The following NPR2 variants were observed in gnomAD, a reference collection of about 807,000 sequenced individuals.
NPR2 encodes the protein atrial natriuretic peptide receptor 2.
A neutral mutation model predicts 120.7 loss-of-function variants in NPR2; 49 were observed. The observed-to-expected ratio is 0.41, with a 90% CI of 0.32 to 0.52. NPR2 has a LOEUF of 0.52. NPR2 is among the 20% of genes least tolerant of loss of function. The probability of loss-of-function intolerance (pLI) is 0.36; values close to 1 mark genes in which losing one functional copy is unlikely to be tolerated. For synonymous variants in NPR2, 484 were observed against 519.8 expected, an observed-to-expected ratio of 0.93 and a Z score of 0.94; for missense variants, 931 against 1,362.9, an observed-to-expected ratio of 0.68 and a Z score of 4.99.
chr9:35,794,209 A>G, intron 2 of NPR2, 106 bp downstream of exon 2: 1 of 1,035,856 alleles, frequency 9.7e-7, no homozygotes, highest in Non-Finnish European at 1.4e-6. Flanking sequence ...AGGAATTGTG[A>G]GCCACAGGAG....
chr9:35,803,356 G>A (rs1450953622), intron 12 of NPR2, among the ~76,000 whole-genome samples: 1 of 82,110 alleles, frequency 1.2e-5, no homozygotes, highest in Non-Finnish European at 2.3e-5. Context: ...CGCCCGCCTC[G>A]GCCTCCCAAA....
chr9:35,800,335 T>C lies in NPR2; in HGVS notation c.1124-54T>C. 1 of 1,527,032 alleles carries C rather than the reference T, an allele frequency of 6.5e-7. No homozygotes were observed. Among genetic ancestry groups the C allele is most frequent in the African/African-American group, 1.4e-5 (1 of 72,942 alleles). 94.6% of individuals were successfully genotyped at this position (1,527,032 alleles called of 1,614,324 possible). ...TGAGGGAGCCGTAGGCATGAGTGAG[T>C]GGGAGAGGAGCCCAGGGTAGACCTC... On this transcript the variant is annotated intron_variant, in intron 4 of 21. Transcript: ENST00000342694. This position sits in a 1 kb window ranked among gnomAD's most constrained non-coding sequence, Gnocchi z 4.7.
chr9:35,802,639 G>T lies in NPR2; in HGVS notation c.1815+32G>T. On this transcript the variant is annotated intron_variant, in intron 11 of 21. Coordinates refer to ENST00000342694, the MANE Select transcript of NPR2 (RefSeq NM_003995.4). This position sits in a 1 kb window ranked among gnomAD's most constrained non-coding sequence, Gnocchi z 4.2. ...GATAGGTGTAGGAGATTATGGCAGG[G>T]GTGGGAAGGATAGACCCAAAGTTAT... 4 of 1,491,580 alleles carry T rather than the reference G, an allele frequency of 2.7e-6. No individual in the cohort carries two copies. Among genetic ancestry groups the T allele is most frequent in the Non-Finnish European group, 3.7e-6 (4 of 1,068,440 alleles). 92.4% of individuals were successfully genotyped at this position (1,491,580 alleles called of 1,614,324 possible). A position where few individuals can be genotyped will look rare whatever the true frequency, so the allele number is the denominator to read the frequency against.
intron 18 of NPR2, 74 bp downstream of exon 18, chr9:35,807,472 C>G: frequency 8.5e-7 from 1 of 1,180,352 alleles, no homozygotes; most frequent in East Asian, 2.3e-5. Flanking sequence ...CTCCCTGAAC[C>G]CCACACACCT....
At position 35,799,624 on chromosome 9, in the gene NPR2, T is replaced by C. The variant is rs1303946040; in HGVS notation, c.880T>C (p.Leu294=). 2 of 1,610,986 alleles carry C rather than the reference T, an allele frequency of 1.2e-6. No individual in the cohort carries two copies. The highest frequency in any genetic ancestry group is 2.2e-5 in the East Asian group (1 of 44,864). ...CCATATGCTGCTGGTACAGACTGTA[T>C]TGGTGATCACGTACCGAGAACCCCC... ...QALREAFQTV[L]VITYREPPNP... is the part of the protein sequence containing the mutation. The change falls in exon 3 of 22, where the codon TTG becomes CTG. Residue 294 remains leucine, a synonymous_variant. Coordinates refer to ENST00000342694, the MANE Select transcript of NPR2 (RefSeq NM_003995.4).
Position 35,792,799 on chromosome 9 carries a change from G to A in NPR2, c.391G>A (p.Ala131Thr). The change falls in exon 1 of 22, where the codon GCT (alanine) becomes ACT (threonine). Residue 131 changes from alanine to threonine, a missense_variant. Transcript: ENST00000342694. ...GGGTGCTGTGGCCTCTGGTTTTTCG[G>A]CTAAGAATGACCATTATCGTACCCT... is the stretch of plus-strand genomic sequence containing the variant. ...TAGAVASGFS[A>T]KNDHYRTLVR... 1 of 1,614,176 alleles carries A rather than the reference G, an allele frequency of 6.2e-7. No individual in the cohort carries two copies. The highest frequency in any genetic ancestry group is 1.1e-5 in the South Asian group (1 of 91,088).
chr9:35,809,446 A>ACC lies in NPR2; in HGVS notation c.*5_*6dup. On this transcript the variant is annotated 3_prime_UTR_variant, in exon 22 of 22. Coordinates refer to ENST00000342694, the MANE Select transcript of NPR2 (RefSeq NM_003995.4). This position sits in a 1 kb window ranked among gnomAD's most constrained non-coding sequence, Gnocchi z 4.1. ...GAAAGGACCTCCTGGACTCCTGTAA[A>ACC]CCCCCATTCTTTCCAAGTCAGATAG... The ACC allele has an allele frequency of 6.2e-7, 1 of 1,614,054 alleles. No homozygotes were observed. Among genetic ancestry groups the ACC allele is most frequent in the Non-Finnish European group, 8.5e-7 (1 of 1,180,000 alleles).
chr9:35,802,666 C>T lies in NPR2; in HGVS notation c.1815+59C>T. On this transcript the variant is annotated intron_variant, in intron 11 of 21. Transcript: ENST00000342694. The surrounding 1 kb of genome is among the most constrained non-coding windows in gnomAD (Gnocchi z 4.2). ...TGGGAAGGATAGACCCAAAGTTATACTGACTCTATGCTGGGTGATAGCTGG... is the reference window on the plus strand; with the variant it reads ...TGGGAAGGATAGACCCAAAGTTATATTGACTCTATGCTGGGTGATAGCTGG... The T allele has an allele frequency of 6.8e-7, 1 of 1,473,486 alleles. No individual in the cohort carries two copies. The highest frequency in any genetic ancestry group is 1.1e-5 in the South Asian group (1 of 88,180). The allele number at this position is 1,473,486 out of a possible 1,614,324, so 91.3% of individuals were successfully genotyped here.
At position 35,805,017 on chromosome 9, in the gene NPR2, C is replaced by T. The variant is rs997614199; in HGVS notation, c.1888-494C>T. On this transcript the variant is annotated intron_variant, in intron 12 of 21. Transcript: ENST00000342694. This position sits in a 1 kb window ranked among gnomAD's most constrained non-coding sequence, Gnocchi z 4.9. ...CCACCTCCCTCTAGTAGATCTTGTT[C>T]CTCCTCTACCCCGACTTGCCCACCT... Among the ~76,000 whole-genome samples, 6 of 151,994 alleles carry T rather than the reference C, an allele frequency of 3.9e-5. No homozygotes were observed. Among genetic ancestry groups the T allele is most frequent in the Non-Finnish European group, 8.8e-5 (6 of 68,016 alleles).
intron 1 of NPR2, among the ~76,000 whole-genome samples, chr9:35,793,497 C>T (rs1031141357): frequency 3.9e-5 from 6 of 152,102 alleles, no homozygotes; most frequent in African/African-American, 1.4e-4. Context: ...TGAACGGACT[C>T]AGGGCTCAGC....
At position 35,800,167 on chromosome 9, in the gene NPR2, A is replaced by C; in HGVS notation, c.1123+10A>C. On this transcript the variant is annotated intron_variant, in intron 4 of 21. Coordinates refer to ENST00000342694, the MANE Select transcript of NPR2 (RefSeq NM_003995.4). This position sits in a 1 kb window ranked among gnomAD's most constrained non-coding sequence, Gnocchi z 4.7. ...GGACGAAGATATCACGGTAATGAAG[A>C]GGGGTCAATGGGGGTCTGAGGGCTG... 1.2e-6 allele frequency: 2 copies of C among 1,612,206 alleles called. No homozygotes were observed. The highest frequency in any genetic ancestry group is 1.7e-5 in the Admixed American group (1 of 60,012).
In NPR2 at chr9:35,800,369, G is replaced by A. The variant is rs760613811; in HGVS notation, c.1124-20G>A. On this transcript the variant is annotated intron_variant, in intron 4 of 21. Coordinates refer to ENST00000342694, the MANE Select transcript of NPR2 (RefSeq NM_003995.4). This position sits in a 1 kb window ranked among gnomAD's most constrained non-coding sequence, Gnocchi z 4.7. ...AGCCCAGGGTAGACCTCAAAGAAAG[G>A]ACACTCTTTTCTGTCTTAGGTGTAA... 20 of 1,605,672 alleles carry A rather than the reference G, an allele frequency of 1.2e-5. No individual in the cohort carries two copies. In the East Asian group the frequency reaches 2.7e-4, roughly 21 times the overall value.
chr9:35,806,448 A>T lies in NPR2; in HGVS notation c.2429A>T (p.Asn810Ile). 6.2e-6 allele frequency: 10 copies of T among 1,614,126 alleles called. No individual in the cohort carries two copies. The highest frequency in any genetic ancestry group is 8.5e-6 in the Non-Finnish European group (10 of 1,179,954). Residue 810 changes from asparagine (N) to isoleucine (I), a missense_variant, in exon 16 of 22, where the codon AAT (asparagine) becomes ATT (isoleucine). By Grantham distance (149) the Asn-to-Ile change is moderately radical. Transcript: ENST00000342694. The surrounding 1 kb of genome is among the most constrained non-coding windows in gnomAD (Gnocchi z 4.6). ...CTGCTGCGCATGGAACAGTATGCCAATAACTTGGAGAAGCTGGTGGAGGAA... is the reference window on the plus strand; with the variant it reads ...CTGCTGCGCATGGAACAGTATGCCATTAACTTGGAGAAGCTGGTGGAGGAA... ...NLLLRMEQYA[N>I]NLEKLVEERT...
chr9:35,799,832 T>TG, intron 3 of NPR2, 101 bp downstream of exon 3: 1 of 1,374,564 alleles, frequency 7.3e-7, no homozygotes, highest in Non-Finnish European at 1.0e-6. Flanking sequence ...AAGCCCAACT[T>TG]TGGGGGGTCT....
Position 35,807,046 on chromosome 9 carries a change from G to C in NPR2, c.2543G>C (p.Arg848Pro). The change falls in exon 17 of 22, where the codon CGG (arginine) becomes CCG (proline). Residue 848 changes from arginine to proline, a missense_variant. By Grantham distance (103) the Arg-to-Pro change is moderately radical. Transcript: ENST00000342694. The stretch of plus-strand genomic sequence containing the variant: ...AGTTCAGTGGCAGAGCAGTTAAAAC[G>C]GGGAGAGACTGTACAGGCTGAGGCC... ...LPHSVAEQLK[R>P]GETVQAEAFD... The C allele has an allele frequency of 6.2e-7, 1 of 1,614,054 alleles. No individual in the cohort carries two copies. The highest frequency in any genetic ancestry group is 8.5e-7 in the Non-Finnish European group (1 of 1,179,956).
At chr9:35,793,204 A>C (rs1827842521) in intron 1 of NPR2, 129 bp downstream of exon 1, 3 of 1,015,978 alleles carry the variant, frequency 3.0e-6, no homozygotes, top group Non-Finnish European at 2.8e-6. Flanking sequence ...ATCAAGAAGC[A>C]CACGTGGACA....
chr9:35,806,954 T>A lies in NPR2; in HGVS notation c.2520-69T>A. ...ACAGCTCATCTCTGCTGCAGCCACA[T>A]ACACTTTCCCTCTCTCTTCCACTCC... On this transcript the variant is annotated intron_variant, in intron 16 of 21. Coordinates refer to ENST00000342694, the MANE Select transcript of NPR2 (RefSeq NM_003995.4). The surrounding 1 kb of genome is among the most constrained non-coding windows in gnomAD (Gnocchi z 4.6). 6.4e-7 allele frequency: 1 copy of A among 1,571,094 alleles called. No homozygotes were observed. Among genetic ancestry groups the A allele is most frequent in the South Asian group, 1.1e-5 (1 of 89,386 alleles).
At position 35,809,275 on chromosome 9, in the gene NPR2, A is replaced by G. The variant is rs758766375; in HGVS notation, c.3078+28A>G. ...GATGGCAGGCCATGGGGAGGGGGGC[A>G]TGGAAAGGGAGGGTGAAAGTGATTA... On this transcript the variant is annotated intron_variant, in intron 21 of 21. Transcript: ENST00000342694. The surrounding 1 kb of genome is among the most constrained non-coding windows in gnomAD (Gnocchi z 4.1). 5 of 1,611,140 alleles carry G rather than the reference A, an allele frequency of 3.1e-6. No homozygotes were observed. The African/African-American group carries it at 6.7e-5, about 22-fold the overall frequency.
rs1439346786 is a variant in NPR2, at chr9:35,807,473, C to T, written c.2712+75C>T. On this transcript the variant is annotated intron_variant, in intron 18 of 21. Coordinates refer to ENST00000342694, the MANE Select transcript of NPR2 (RefSeq NM_003995.4). ...CTTTGAAACTCAGTCTCCCTGAACC[C>T]CACACACCTTACCCACCCCATGATC... 4 of 1,175,212 alleles carry T rather than the reference C, an allele frequency of 3.4e-6. No homozygotes were observed. The Admixed American group carries it at 6.7e-5, about 20-fold the overall frequency. 72.8% of individuals were successfully genotyped at this position (1,175,212 alleles called of 1,614,324 possible). A position where few individuals can be genotyped will look rare whatever the true frequency, so the allele number is the denominator to read the frequency against.
Sources: gnomAD v4.1 joint callset for allele counts (sites outside exome capture counted in the v4.1 genomes callset) on GRCh38, gnomAD v4.1.1 for gene constraint, Gnocchi (gnomAD v3.1) non-coding constraint, MANE v1.5 for transcripts, NCBI Gene and HGNC (gene_info 2026-07-23, HGNC 2026-07-21) for gene names.